UHRF2: variants seen among roughly 807,000 people sequenced by gnomAD.
UHRF2 encodes the protein E3 ubiquitin-protein ligase UHRF2.
In UHRF2, 23 loss-of-function variants were observed where a neutral mutation model predicts 96.8. That is an observed-to-expected ratio of 0.24 (90% confidence interval 0.17 to 0.34). UHRF2 has a LOEUF of 0.34. Among genes scored for constraint, UHRF2 ranks in the 10% least tolerant of loss-of-function variants. The pLI is 1.00. For synonymous variants in UHRF2, 385 were observed against 332.6 expected (o/e 1.16, Z -1.72); for missense variants, 685 against 981.5 (o/e 0.70, Z 4.04).
chr9:6,452,933 G>A (rs1275124358), intron 3 of UHRF2, among the ~76,000 whole-genome samples: 2 of 152,100 alleles, frequency 1.3e-5, no homozygotes. Context: ...TAACATTTGA[G>A]CGCATAATAG....
At chr9:6,494,006 A>AC (rs1563805279) in intron 10 of UHRF2, 74 bp downstream of exon 10, 4 of 1,313,890 alleles carry the variant, frequency 3.0e-6, no homozygotes, top group Non-Finnish European at 4.2e-6. Flanking sequence ...ATTGTAACTT[A>AC]CGTTGCAGAG....
chr9:6,471,792 T>G (rs751075675), intron 4 of UHRF2, among the ~76,000 whole-genome samples: 5 of 152,128 alleles, frequency 3.3e-5, no homozygotes, highest in Non-Finnish European at 5.9e-5. Flanking sequence ...CTCTTTAAAT[T>G]GGTCGGTTAA....
chr9:6,445,431 T>C (rs1414562727), intron 3 of UHRF2, among the ~76,000 whole-genome samples: 2 of 152,142 alleles, frequency 1.3e-5, no homozygotes, highest in African/African-American at 4.8e-5. Flanking sequence ...TCGGCTAATT[T>C]TGTACTTTTA....
chr9:6,486,275 G>A (rs937806234), intron 8 of UHRF2, among the ~76,000 whole-genome samples: 1 of 152,190 alleles, frequency 6.6e-6, no homozygotes, highest in Non-Finnish European at 1.5e-5. Context: ...CTCAAACTAC[G>A]ATTGAACAGT....
intron 3 of UHRF2, among the ~76,000 whole-genome samples, chr9:6,455,670 T>C (rs1357364767): frequency 6.6e-6 from 1 of 152,142 alleles, no homozygotes; most frequent in Non-Finnish European, 1.5e-5. Flanking sequence ...GGTCTGATGA[T>C]ATCAGGAAGT....
rs1453779426 is a variant in UHRF2, at chr9:6,435,273, C to T, written c.644+1100C>T. The stretch of plus-strand genomic sequence containing the variant: ...CCTTCCAAAGTGCTGGGATTACAGG[C>T]GTAAGCCACCACACCTGGCCGGCTA... On this transcript the variant is annotated intron_variant, in intron 3 of 15. Transcript: ENST00000276893. 2.0e-5 allele frequency among the ~76,000 whole-genome samples: 3 copies of T among 152,130 alleles called. 1 individual carries two copies. The highest frequency in any genetic ancestry group is 4.1e-4 in the South Asian group (2 of 4,832).
intron 2 of UHRF2, among the ~76,000 whole-genome samples, chr9:6,421,804 T>C (rs190928074): frequency 3.5e-4 from 54 of 152,334 alleles, no homozygotes; most frequent in Middle Eastern, 6.8e-3. Flanking sequence ...TATTCTTTTA[T>C]ACTCTTTTTG....
intron 2 of UHRF2, among the ~76,000 whole-genome samples, chr9:6,421,893 T>C (rs1338718949): frequency 6.6e-6 from 1 of 152,260 alleles, no homozygotes; most frequent in Non-Finnish European, 1.5e-5. Context: ...AATGGAATTC[T>C]ACTTTTTCTC....
chr9:6,414,598 A>C (rs756402340), intron 1 of UHRF2, among the ~76,000 whole-genome samples: 6 of 152,190 alleles, frequency 3.9e-5, no homozygotes, highest in Admixed American at 1.3e-4. Context: ...TGTTGTTGTT[A>C]ATACACTAAA....
At chr9:6,489,311 T>C (rs1182000394) in intron 9 of UHRF2, among the ~76,000 whole-genome samples, 1 of 152,202 alleles carries the variant, frequency 6.6e-6, no homozygotes, top group Non-Finnish European at 1.5e-5. Context: ...AATCATTTAC[T>C]CATGGAAGAA....
At chr9:6,426,966 C>G (rs920596790) in intron 2 of UHRF2, among the ~76,000 whole-genome samples, 2 of 152,176 alleles carry the variant, frequency 1.3e-5, no homozygotes, top group Non-Finnish European at 2.9e-5. Context: ...CTAGGCTGGT[C>G]TTGAACTCCT....
At chr9:6,424,205 A>G (rs935003012) in intron 2 of UHRF2, among the ~76,000 whole-genome samples, 3 of 152,322 alleles carry the variant, frequency 2.0e-5, no homozygotes, top group South Asian at 2.1e-4. Flanking sequence ...TGTTTTAGAA[A>G]GTTATGAGCA....
chr9:6,413,891 A>C, intron 1 of UHRF2: 1 of 397,600 alleles, frequency 2.5e-6, no homozygotes, highest in Non-Finnish European at 4.4e-6. Context: ...CGGAGCGCAA[A>C]TATCTCGCCG....
intron 1 of UHRF2, 194 bp downstream of exon 1, chr9:6,413,837 C>T (rs1819431244): frequency 3.3e-6 from 2 of 606,922 alleles, no homozygotes; most frequent in Non-Finnish European, 4.9e-6. Context: ...TCCCTGCCAG[C>T]CCCAACTGGA....
chr9:6,456,184 A>G (rs1321134961), intron 3 of UHRF2, among the ~76,000 whole-genome samples: 1 of 152,048 alleles, frequency 6.6e-6, no homozygotes, highest in African/African-American at 2.4e-5. Flanking sequence ...GCTACATGTA[A>G]AAACTAGAAT....
intron 3 of UHRF2, among the ~76,000 whole-genome samples, chr9:6,456,741 T>C (rs1480344639): frequency 1.3e-5 from 2 of 152,236 alleles, no homozygotes; most frequent in Non-Finnish European, 2.9e-5. Context: ...AGTTTCAGTT[T>C]TCTACATGTG....
chr9:6,467,711 T>G (rs1328976789), intron 4 of UHRF2, among the ~76,000 whole-genome samples: 1 of 152,054 alleles, frequency 6.6e-6, no homozygotes, highest in African/African-American at 2.4e-5. Flanking sequence ...TTTGCTTGTT[T>G]ACTAGTCACT....
intron 2 of UHRF2, among the ~76,000 whole-genome samples, 182 bp from the exon 3 acceptor site, chr9:6,433,732 A>G (rs770423536): frequency 3.3e-5 from 5 of 152,248 alleles, no homozygotes; most frequent in African/African-American, 4.8e-5. Context: ...ATCTTAGTCA[A>G]TAGATTTAAG....
chr9:6,477,953 T>A, intron 6 of UHRF2, 145 bp downstream of exon 6: 1 of 649,422 alleles, frequency 1.5e-6, no homozygotes, highest in Non-Finnish European at 2.5e-6. Flanking sequence ...CATTCATAGC[T>A]CTATTCAATT....
Sources: gnomAD v4.1 joint callset for allele counts (sites outside exome capture counted in the v4.1 genomes callset) on GRCh38, gnomAD v4.1.1 for gene constraint, MANE v1.5 for transcripts, NCBI Gene and HGNC (gene_info 2026-07-23, HGNC 2026-07-21) for gene names.